Variants in FAM171A1 observed in about 807,000 individuals in gnomAD.
FAM171A1 encodes the protein protein FAM171A1.
A neutral mutation model predicts 74.9 loss-of-function variants in FAM171A1; 23 were observed. That is an observed-to-expected ratio of 0.31 (90% CI 0.22 to 0.44). The LOEUF is 0.44. Among genes scored for constraint, FAM171A1 ranks in the 20% least tolerant of loss-of-function variants. The pLI is 1.00. For missense variants in FAM171A1, 1,162 were observed against 1,159.2 expected, an observed-to-expected ratio of 1.00 and a Z score of -0.03; for synonymous variants, 527 against 505.7, an observed-to-expected ratio of 1.04 and a Z score of -0.57.
At chr10:15,221,168 C>T in intron 5 of FAM171A1, 108 bp from the exon 6 acceptor site, 1 of 892,832 alleles carries the variant, frequency 1.1e-6, no homozygotes, top group South Asian at 2.2e-5. Context: ...ATGTTTATGA[C>T]CTATAAGATA....
intron 1 of FAM171A1, among the ~76,000 whole-genome samples, chr10:15,318,333 T>C (rs1455406510): frequency 1.3e-5 from 2 of 152,170 alleles, no homozygotes; most frequent in Admixed American, 6.5e-5. Context: ...AAGTTCTGCT[T>C]GGTCCTTCCC....
Position 15,212,844 on chromosome 10 carries a change from C to A in FAM171A1, c.*71G>T, listed in dbSNP as rs898518358. On this transcript the variant is annotated 3_prime_UTR_variant, in exon 8 of 8. Coordinates refer to ENST00000378116, the MANE Select transcript of FAM171A1 (RefSeq NM_001010924.2). Reference sequence around the variant, plus strand: ...GCTGCCGTTCCGTTTCCTCCACGAACGGGTACGCGCTTCCATGAGAAAGGA... The same window carrying A: ...GCTGCCGTTCCGTTTCCTCCACGAAAGGGTACGCGCTTCCATGAGAAAGGA... The A allele has an allele frequency of 6.4e-7, 1 of 1,567,746 alleles. No individual in the cohort carries two copies. Among genetic ancestry groups the A allele is most frequent in the South Asian group, 1.2e-5 (1 of 82,892 alleles).
At chr10:15,236,537 G>A (rs1370626105) in intron 5 of FAM171A1, among the ~76,000 whole-genome samples, 1 of 151,946 alleles carries the variant, frequency 6.6e-6, no homozygotes, top group Admixed American at 6.6e-5. Flanking sequence ...AGGAGGAGCC[G>A]GCATTCAAGA....
At chr10:15,340,516 T>G (rs11259613) in intron 1 of FAM171A1, among the ~76,000 whole-genome samples, 79,828 of 151,886 alleles carry the variant, frequency 0.53, 21,689 homozygotes, top group Non-Finnish European at 0.61. Flanking sequence ...GGCCCAACTG[T>G]CTGTATTAGT....
At chr10:15,265,182 C>A (rs981419388) in intron 3 of FAM171A1, among the ~76,000 whole-genome samples, 7 of 151,922 alleles carry the variant, frequency 4.6e-5, no homozygotes, top group African/African-American at 1.7e-4. Flanking sequence ...CTCCTCGGGC[C>A]GATTTATAAT....
At chr10:15,342,360 A>C (rs1371786499) in intron 1 of FAM171A1, among the ~76,000 whole-genome samples, 2 of 152,214 alleles carry the variant, frequency 1.3e-5, no homozygotes, top group Non-Finnish European at 2.9e-5. Flanking sequence ...GCTTGCAGTC[A>C]GGAGTTCGAG....
intron 1 of FAM171A1, among the ~76,000 whole-genome samples, chr10:15,320,080 T>C (rs1266722711): frequency 6.6e-6 from 1 of 152,194 alleles, no homozygotes; most frequent in African/African-American, 2.4e-5. Flanking sequence ...ACCCAGGTAA[T>C]GAACATAGTC....
At chr10:15,226,022 T>C (rs1362553731) in intron 5 of FAM171A1, among the ~76,000 whole-genome samples, 1 of 152,168 alleles carries the variant, frequency 6.6e-6, no homozygotes, top group Non-Finnish European at 1.5e-5. Context: ...TCCCAGCCTC[T>C]TCCAGGGGCT....
At chr10:15,287,381 C>A (rs964161665) in intron 1 of FAM171A1, among the ~76,000 whole-genome samples, 3 of 150,478 alleles carry the variant, frequency 2.0e-5, no homozygotes, top group Non-Finnish European at 3.0e-5. Context: ...TGTGACCCAC[C>A]GCGCCGGCCT....
At chr10:15,283,746 G>A (rs1834998829) in intron 2 of FAM171A1, 132 bp downstream of exon 2, 4 of 814,186 alleles carry the variant, frequency 4.9e-6, no homozygotes, top group Middle Eastern at 7.0e-4. Flanking sequence ...TATGATGCCT[G>A]GCTAATTTTA....
intron 1 of FAM171A1, among the ~76,000 whole-genome samples, chr10:15,310,816 C>T (rs973339819): frequency 8.0e-5 from 12 of 150,676 alleles, no homozygotes; most frequent in Non-Finnish European, 1.5e-4. Flanking sequence ...CATGACAGAG[C>T]GAGACTCTGT....
intron 5 of FAM171A1, among the ~76,000 whole-genome samples, chr10:15,221,386 G>A (rs1420410552): frequency 3.9e-5 from 6 of 152,212 alleles, no homozygotes; most frequent in African/African-American, 1.4e-4. Flanking sequence ...AATACAGGCA[G>A]CATGATGGGG....
chr10:15,314,458 A>G (rs1244605674), intron 1 of FAM171A1, among the ~76,000 whole-genome samples: 1 of 152,092 alleles, frequency 6.6e-6, no homozygotes, highest in Non-Finnish European at 1.5e-5. Context: ...TAGGGTGTGA[A>G]TCAAGTCCAT....
At chr10:15,223,605 T>C (rs1051294061) in intron 5 of FAM171A1, among the ~76,000 whole-genome samples, 4 of 152,180 alleles carry the variant, frequency 2.6e-5, no homozygotes, top group African/African-American at 7.2e-5. Flanking sequence ...CTTTAAAAAA[T>C]AGCTCCACAT....
intron 1 of FAM171A1, among the ~76,000 whole-genome samples, chr10:15,292,453 T>C (rs1217961496): frequency 3.3e-5 from 5 of 152,142 alleles, no homozygotes; most frequent in Admixed American, 6.5e-5. Flanking sequence ...CCAGATATCA[T>C]ATTAGGTTAT....
intron 1 of FAM171A1, among the ~76,000 whole-genome samples, chr10:15,329,156 T>C (rs182616301): frequency 1.1e-4 from 17 of 152,354 alleles, no homozygotes; most frequent in Admixed American, 8.5e-4. Flanking sequence ...AGCCAAGTAC[T>C]GCATATTTTT....
intron 1 of FAM171A1, among the ~76,000 whole-genome samples, chr10:15,311,868 GA>G (rs1450459947): frequency 6.6e-6 from 1 of 152,212 alleles, no homozygotes; most frequent in Non-Finnish European, 1.5e-5. Flanking sequence ...ACAGCTCCAA[GA>G]AAAATGATGC....
intron 1 of FAM171A1, among the ~76,000 whole-genome samples, chr10:15,319,478 G>T (rs1835461340): frequency 6.6e-6 from 1 of 152,092 alleles, no homozygotes; most frequent in African/African-American, 2.4e-5. Context: ...TATTGTGCAG[G>T]CTGGAGTGCA....
chr10:15,268,784 G>A (rs1196255888), intron 3 of FAM171A1, among the ~76,000 whole-genome samples: 2 of 152,192 alleles, frequency 1.3e-5, no homozygotes, highest in Non-Finnish European at 2.9e-5. Flanking sequence ...CATGGTGCCT[G>A]TAATCCCAAC....
Sources: allele counts gnomAD v4.1 joint callset (sites outside exome capture counted in the v4.1 genomes callset), GRCh38; gene constraint gnomAD v4.1.1; transcripts MANE v1.5; gene names NCBI Gene and HGNC (gene_info 2026-07-23, HGNC 2026-07-21).